NEXMIF: variants seen among roughly 807,000 people sequenced by gnomAD.
The protein encoded by NEXMIF is XLMR protein related to neurite extension.
In NEXMIF, 8 loss-of-function variants were observed where a neutral mutation model predicts 62.1. The observed-to-expected ratio is 0.13, with a 90% confidence interval of 0.08 to 0.23. The LOEUF (loss-of-function observed/expected upper bound fraction) is 0.23, where lower values mean the gene tolerates loss of function less well. Among genes scored for constraint, NEXMIF ranks in the 10% least tolerant of loss-of-function variants. The pLI, the probability that NEXMIF is intolerant of heterozygous loss-of-function variation, is 1.00. For synonymous variants in NEXMIF, 404 were observed against 416.6 expected (o/e 0.97, Z 0.37); for missense variants, 976 against 1,113.3 (o/e 0.88, Z 1.75).
chrX:74,804,662 T>C (rs2080339597), intron 1 of NEXMIF, among the ~76,000 whole-genome samples: 3 of 111,837 alleles, frequency 2.7e-5, no homozygotes, highest in Non-Finnish European at 5.6e-5. Flanking sequence ...CTCTCCTCTC[T>C]TCAAGTGGAC....
chrX:74,923,571 T>C (rs966073070), intron 1 of NEXMIF, among the ~76,000 whole-genome samples: 1 of 112,031 alleles, frequency 8.9e-6, no homozygotes, highest in Admixed American at 9.4e-5. Context: ...TTTGGTCATA[T>C]GTTACCTCAT....
chrX:74,784,886 T>C (rs1363126434), intron 1 of NEXMIF, among the ~76,000 whole-genome samples: 1 of 111,362 alleles, frequency 9.0e-6, no homozygotes, highest in Non-Finnish European at 1.9e-5. Flanking sequence ...ATGCATGCTT[T>C]CTTTCCAAGG....
intron 1 of NEXMIF, among the ~76,000 whole-genome samples, chrX:74,781,838 G>A (rs1283970359): frequency 1.8e-5 from 2 of 111,103 alleles, no homozygotes; most frequent in Non-Finnish European, 1.9e-5. Context: ...AAAGCCTTAG[G>A]TGTATGTGAA....
At chrX:74,889,385 T>C (rs761072174) in intron 1 of NEXMIF, among the ~76,000 whole-genome samples, 13 of 112,106 alleles carry the variant, frequency 1.2e-4, no homozygotes, top group East Asian at 8.4e-4. Context: ...GAAAATATTG[T>C]TTGATTTAAA....
At chrX:74,919,487 T>C (rs1165625387) in intron 1 of NEXMIF, among the ~76,000 whole-genome samples, 1 of 111,548 alleles carries the variant, frequency 9.0e-6, no homozygotes. Context: ...TTTTCCAAAC[T>C]GGGACATTTT....
intron 1 of NEXMIF, among the ~76,000 whole-genome samples, chrX:74,756,362 T>G (rs778840311): frequency 2.7e-5 from 3 of 112,279 alleles, no homozygotes; most frequent in Admixed American, 1.9e-4. Context: ...CTTTTACAAC[T>G]GCTGTTTAAT....
At chrX:74,862,843 A>C (rs890853378) in intron 1 of NEXMIF, among the ~76,000 whole-genome samples, 1 of 111,404 alleles carries the variant, frequency 9.0e-6, no homozygotes, top group Non-Finnish European at 1.9e-5. Context: ...AAGCAGTGTT[A>C]AAAGGGAAAT....
At chrX:74,836,264 C>G (rs1348477532) in intron 1 of NEXMIF, among the ~76,000 whole-genome samples, 1 of 112,733 alleles carries the variant, frequency 8.9e-6, no homozygotes, top group Non-Finnish European at 1.9e-5. Flanking sequence ...AACCCAAGAG[C>G]CTGCTTGTTG....
At chrX:74,805,899 C>T (rs922793192) in intron 1 of NEXMIF, among the ~76,000 whole-genome samples, 5 of 111,425 alleles carry the variant, frequency 4.5e-5, no homozygotes, top group African/African-American at 1.3e-4. Flanking sequence ...GTTACTGTAG[C>T]CTTGTAGTAT....
In NEXMIF at chrX:74,837,117, C is replaced by T. The variant is rs1188345697; in HGVS notation, c.-48+87766G>A. ...CAATATAATGTCCCCAGTCACTTCA[C>T]TCTCCCTCCTGAAAGTGCACAGACA... On this transcript the variant is annotated intron_variant, in intron 1 of 3. Coordinates refer to ENST00000055682, the MANE Select transcript of NEXMIF (RefSeq NM_001008537.3). 5.6e-5 allele frequency among the ~76,000 whole-genome samples: 6 copies of T among 106,978 alleles called. No individual in the cohort carries two copies. In the Admixed American group the frequency reaches 6.3e-4, roughly 11 times the overall value. The allele number at this position is 106,978 out of a possible 115,157, so 92.9% of individuals were successfully genotyped here.
At chrX:74,902,398 C>T (rs2080752083) in intron 1 of NEXMIF, among the ~76,000 whole-genome samples, 1 of 109,007 alleles carries the variant, frequency 9.2e-6, no homozygotes, top group Admixed American at 9.9e-5. Flanking sequence ...TTTATGTATG[C>T]ATATGTATAG....
Position 74,740,352 on chromosome X carries a change from T to A in NEXMIF, c.4205A>T (p.Asn1402Ile). The change falls in exon 3 of 4, where the codon AAT (asparagine) becomes ATT (isoleucine). Residue 1402 changes from asparagine (N) to isoleucine (I), a missense_variant. Physicochemically the swap from Asn to Ile is moderately radical, Grantham distance 149 (BLOSUM62 -3). Transcript: ENST00000055682. Reference protein sequence around the residue: ...HRSIKGVSKSNGKTAIGDPGR... With the variant: ...HRSIKGVSKSIGKTAIGDPGR... ...AGGATCACCTATTGCTGTTTTCCCA[T>A]TGCTTTTGCTCACACCCTTGATTGA... The A allele has an allele frequency of 3.3e-6, 4 of 1,211,995 alleles. No homozygotes were observed. The highest frequency in any genetic ancestry group is 4.5e-6 in the Non-Finnish European group (4 of 895,556).
chrX:74,864,993 GCAACCATACCCGGCCATCAGGTATT>G (rs780026968), intron 1 of NEXMIF, among the ~76,000 whole-genome samples: 1 of 112,195 alleles, frequency 8.9e-6, no homozygotes, highest in Admixed American at 9.5e-5. Context: ...ACAGGCATGA[GCAACCATACCCGGCCATCAGGTATT>G]TCTTCATAGC....
chrX:74,763,101 T>C (rs2080182809), intron 1 of NEXMIF, among the ~76,000 whole-genome samples: 1 of 112,134 alleles, frequency 8.9e-6, no homozygotes, highest in Admixed American at 9.5e-5. Flanking sequence ...TGGTTTTAGG[T>C]CTAATATTTA....
intron 1 of NEXMIF, among the ~76,000 whole-genome samples, chrX:74,811,876 C>T (rs1266945165): frequency 8.8e-6 from 1 of 113,191 alleles, no homozygotes; most frequent in Admixed American, 9.3e-5. Flanking sequence ...CAGGAAATCT[C>T]TGTGTTCTTT....
At chrX:74,849,116 T>C (rs1406149486) in intron 1 of NEXMIF, among the ~76,000 whole-genome samples, 3 of 112,564 alleles carry the variant, frequency 2.7e-5, no homozygotes, top group Non-Finnish European at 5.6e-5. Flanking sequence ...TACAACTTGG[T>C]CTTCCAGTAT....
chrX:74,906,274 T>TAA (rs749030844), intron 1 of NEXMIF, among the ~76,000 whole-genome samples: 1 of 96,218 alleles, frequency 1.0e-5, no homozygotes. Flanking sequence ...CCCCATCTCT[T>TAA]AAAAAAAAAA....
intron 1 of NEXMIF, among the ~76,000 whole-genome samples, chrX:74,907,227 G>A (rs2080771802): frequency 9.0e-6 from 1 of 111,477 alleles, no homozygotes; most frequent in Admixed American, 9.5e-5. Flanking sequence ...AAAAGTTGAA[G>A]GCCCTGCTGA....
intron 1 of NEXMIF, among the ~76,000 whole-genome samples, chrX:74,768,486 T>A (rs754877102): frequency 8.9e-6 from 1 of 112,472 alleles, no homozygotes; most frequent in East Asian, 2.8e-4. Flanking sequence ...TGTCTTCAGA[T>A]CCTTAAAGAG....
Sources: allele counts gnomAD v4.1 joint callset (sites outside exome capture counted in the v4.1 genomes callset), GRCh38; gene constraint gnomAD v4.1.1; transcripts MANE v1.5; gene names NCBI Gene and HGNC (gene_info 2026-07-23, HGNC 2026-07-21).